The following PCNX1 variants were observed in gnomAD, a reference collection of about 807,000 sequenced individuals.
PCNX1 encodes pecanex-like protein 1.
PCNX1 carries 78 observed loss-of-function variants against 242.2 expected under a neutral mutation model. That is an observed-to-expected ratio of 0.32 (90% CI 0.27 to 0.39). The LOEUF (loss-of-function observed/expected upper bound fraction) is 0.39. PCNX1 is among the 10% of genes least tolerant of loss of function. The pLI is 1.00. For synonymous variants in PCNX1, 1,024 were observed against 1,032.9 expected (o/e 0.99, Z 0.17); for missense variants, 2,581 against 2,856.5 (o/e 0.90, Z 2.20).
chr14:70,963,919 A>G (rs1051309334), intron 3 of PCNX1, among the ~76,000 whole-genome samples: 2 of 152,134 alleles, frequency 1.3e-5, no homozygotes, highest in African/African-American at 4.8e-5. Context: ...GCTCATTCGG[A>G]CTGATCTAGT....
chr14:70,928,542 G>A (rs574709661), intron 1 of PCNX1, among the ~76,000 whole-genome samples: 123 of 152,172 alleles, frequency 8.1e-4, no homozygotes, highest in Non-Finnish European at 1.5e-3. Context: ...GATTTATACA[G>A]TAAAATATTG....
chr14:70,954,270 A>T lies in PCNX1; in HGVS notation c.362+7147A>T, dbSNP rs2057905302. 2.0e-5 allele frequency among the ~76,000 whole-genome samples: 3 copies of T among 151,640 alleles called. No homozygotes were observed. In the South Asian group the frequency reaches 6.3e-4, roughly 32 times the overall value. ...TGTTCTGTTCTGTTCTGTTCTGTTG[A>T]TCTGCTTGCCTGTGCCATTACCATA... On this transcript the variant is annotated intron_variant, in intron 2 of 35. Coordinates refer to ENST00000304743, the MANE Select transcript of PCNX1 (RefSeq NM_014982.3).
chr14:70,945,856 T>C (rs968512515), intron 1 of PCNX1, among the ~76,000 whole-genome samples: 2 of 152,234 alleles, frequency 1.3e-5, no homozygotes, highest in East Asian at 1.9e-4. Context: ...TTAAAGCCAA[T>C]TTGGGGTCAT....
At chr14:71,034,851 G>A (rs1006610764) in intron 18 of PCNX1, among the ~76,000 whole-genome samples, 24 of 152,194 alleles carry the variant, frequency 1.6e-4, no homozygotes, top group Non-Finnish European at 2.9e-4. Context: ...TTCATGTTAC[G>A]TATAGTAGGA....
chr14:71,105,464 T>C (rs766891989), intron 33 of PCNX1, 24 bp downstream of exon 33: 4 of 1,563,126 alleles, frequency 2.6e-6, no homozygotes, highest in Non-Finnish European at 3.5e-6. Flanking sequence ...AAGTTATATG[T>C]CTAATGTTAG....
At chr14:71,005,506 TAA>T (rs528564064) in intron 8 of PCNX1, among the ~76,000 whole-genome samples, 5 of 135,534 alleles carry the variant, frequency 3.7e-5, no homozygotes, top group Admixed American at 7.3e-5. Context: ...AGTCTCTGTC[TAA>T]AAAAAAAAAA....
At chr14:71,057,989 T>C (rs575261301) in intron 26 of PCNX1, among the ~76,000 whole-genome samples, 47 of 152,342 alleles carry the variant, frequency 3.1e-4, no homozygotes, top group Admixed American at 9.8e-4. Context: ...TGAATTTCTG[T>C]TGTTCTGTGC....
At chr14:71,091,499 G>A (rs1007934844) in intron 30 of PCNX1, among the ~76,000 whole-genome samples, 1 of 152,186 alleles carries the variant, frequency 6.6e-6, no homozygotes, top group Non-Finnish European at 1.5e-5. Context: ...CTCAGTAAAT[G>A]TATTGGAAAC....
At chr14:70,919,549 A>G (rs2056286702) in intron 1 of PCNX1, among the ~76,000 whole-genome samples, 1 of 152,134 alleles carries the variant, frequency 6.6e-6, no homozygotes, top group Admixed American at 6.5e-5. Context: ...CAGACTAATA[A>G]TATGGAGAAG....
intron 8 of PCNX1, among the ~76,000 whole-genome samples, chr14:70,997,731 T>C (rs2059393543): frequency 6.6e-6 from 1 of 152,192 alleles, no homozygotes; most frequent in African/African-American, 2.4e-5. Flanking sequence ...TGTATACCTG[T>C]TCCAATGCCT....
At chr14:71,091,618 T>TA (rs1653399956) in intron 30 of PCNX1, among the ~76,000 whole-genome samples, 2 of 152,120 alleles carry the variant, frequency 1.3e-5, no homozygotes, top group Non-Finnish European at 2.9e-5. Flanking sequence ...TATACATAGA[T>TA]ACTAGTTTAT....
intron 1 of PCNX1, among the ~76,000 whole-genome samples, chr14:70,942,553 T>C (rs1382947484): frequency 6.6e-6 from 1 of 152,158 alleles, no homozygotes; most frequent in Non-Finnish European, 1.5e-5. Context: ...ACCAGCTGGG[T>C]ATCCTCCAAT....
chr14:71,036,096 G>T lies in PCNX1; in HGVS notation c.3806G>T (p.Cys1269Phe). The stretch of plus-strand genomic sequence containing the variant: ...CGATTACAGTCTGACCTGGTAGTAT[G>T]CATTGTAATTGGTGTGCTGTATTTT... Reference protein sequence around the residue: ...SERLQSDLVVCIVIGVLYFAI... With the variant: ...SERLQSDLVVFIVIGVLYFAI... Residue 1269 changes from cysteine to phenylalanine, a missense_variant, in exon 19 of 36, where the codon TGC becomes TTC. Physicochemically the swap from Cys to Phe is radical, Grantham distance 205. Coordinates refer to ENST00000304743, the MANE Select transcript of PCNX1 (RefSeq NM_014982.3). The T allele has an allele frequency of 1.2e-6, 2 of 1,607,024 alleles. No homozygotes were observed. The highest frequency in any genetic ancestry group is 1.7e-6 in the Non-Finnish European group (2 of 1,173,680).
At position 71,046,997 on chromosome 14, in the gene PCNX1, A is replaced by G. The variant is rs1321224116; in HGVS notation, c.4052A>G (p.His1351Arg). ...ACTATGATGTGGTTTGAGAAACTTC[A>G]TGTGTGGCTTCTTTTTGTGGAGAAG... ...AATMMWFEKL[H>R]VWLLFVEKNI... The change falls in exon 21 of 36, where the codon CAT (histidine) becomes CGT (arginine). Residue 1351 changes from histidine (H) to arginine (R), a missense_variant. By Grantham distance (29) the His-to-Arg change is conservative. Coordinates refer to ENST00000304743, the MANE Select transcript of PCNX1 (RefSeq NM_014982.3). 1.9e-6 allele frequency: 3 copies of G among 1,610,218 alleles called. No homozygotes were observed. Among genetic ancestry groups the G allele is most frequent in the African/African-American group, 1.3e-5 (1 of 74,822 alleles).
chr14:70,912,346 C>A (rs913253420), intron 1 of PCNX1, among the ~76,000 whole-genome samples: 1 of 152,142 alleles, frequency 6.6e-6, no homozygotes, highest in Non-Finnish European at 1.5e-5. Context: ...GATGTGCAAG[C>A]CCTTTCTTAT....
At chr14:70,932,140 A>AAAAAC (rs768710649) in intron 1 of PCNX1, among the ~76,000 whole-genome samples, 3 of 152,236 alleles carry the variant, frequency 2.0e-5, no homozygotes, top group Non-Finnish European at 4.4e-5. Flanking sequence ...AAACAAAAAC[A>AAAAAC]AAAAGAATAA....
intron 32 of PCNX1, 141 bp from the exon 33 acceptor site, chr14:71,105,094 T>A: frequency 1.5e-6 from 1 of 649,496 alleles, no homozygotes; most frequent in Non-Finnish European, 2.7e-6. Context: ...GTTTTTTTGT[T>A]CCTAATATTG....
intron 8 of PCNX1, among the ~76,000 whole-genome samples, chr14:71,001,384 G>T (rs2059502520): frequency 6.6e-6 from 1 of 152,176 alleles, no homozygotes; most frequent in Admixed American, 6.5e-5. Flanking sequence ...ACTTTATCTG[G>T]TAGAGTTTGG....
intron 1 of PCNX1, among the ~76,000 whole-genome samples, chr14:70,914,254 G>T (rs1216738686): frequency 6.6e-6 from 1 of 152,110 alleles, no homozygotes; most frequent in Non-Finnish European, 1.5e-5. Flanking sequence ...TGGGTGACAG[G>T]ATCATTAGAA....
Sources: gnomAD v4.1 joint callset for allele counts (sites outside exome capture counted in the v4.1 genomes callset) on GRCh38, gnomAD v4.1.1 for gene constraint, MANE v1.5 for transcripts, NCBI Gene and HGNC (gene_info 2026-07-23, HGNC 2026-07-21) for gene names.